Variants in IL26 observed in about 807,000 individuals in gnomAD.
The protein encoded by IL26 is interleukin 26, also known as interleukin-26.
Under a neutral mutation model 21.7 loss-of-function variants are expected in IL26, and 23 were observed. That is an observed-to-expected ratio of 1.06 (90% confidence interval 0.76 to 1.50). The LOEUF is 1.50. Ranked by LOEUF, IL26 falls within the 40% of genes most tolerant of loss-of-function variation. The pLI, the probability that IL26 is intolerant of heterozygous loss-of-function variation, is 0.00. For missense variants in IL26, 204 were observed against 196.0 expected (o/e 1.04, Z -0.24); for synonymous variants, 63 against 67.8 (o/e 0.93, Z 0.34).
At position 68,225,457 on chromosome 12, in the gene IL26, T is replaced by C; in HGVS notation, c.215A>G (p.Lys72Arg). ...KNIRLLKKKT[K>R]KQFMKNCQFQ... ...TTTCTGACTTACCATAAACTGCTTT[T>C]TTGTTTTCTTTTTTAATAATCGTAT... is the stretch of plus-strand genomic sequence containing the variant. Residue 72 changes from lysine to arginine, a missense_variant, in exon 2 of 5, where the codon AAA becomes AGA. By Grantham distance (26) the Lys-to-Arg change is conservative (BLOSUM62 2). Coordinates refer to ENST00000229134, the MANE Select transcript of IL26 (RefSeq NM_018402.2). 6.3e-7 allele frequency: 1 copy of C among 1,583,104 alleles called. No individual in the cohort carries two copies. Among genetic ancestry groups the C allele is most frequent in the Non-Finnish European group, 8.7e-7 (1 of 1,153,138 alleles).
At chr12:68,219,987 A>T (rs2120467976) in intron 3 of IL26, among the ~76,000 whole-genome samples, 1 of 152,210 alleles carries the variant, frequency 6.6e-6, no homozygotes, top group East Asian at 1.9e-4. Flanking sequence ...AAAATCACTG[A>T]AAGACACAAA....
At chr12:68,218,636 CAGA>C (rs1299622548) in intron 3 of IL26, among the ~76,000 whole-genome samples, 1 of 151,820 alleles carries the variant, frequency 6.6e-6, no homozygotes, top group African/African-American at 2.4e-5. Context: ...GGAGAAGAGA[CAGA>C]AGGAGATACA....
chr12:68,206,125 C>T (rs116302015), intron 3 of IL26, among the ~76,000 whole-genome samples: 94 of 152,314 alleles, frequency 6.2e-4, no homozygotes, highest in African/African-American at 1.8e-3. Flanking sequence ...AAGTTATGTA[C>T]GACATCTGAA....
chr12:68,220,325 G>C (rs925512961), intron 3 of IL26, among the ~76,000 whole-genome samples: 2 of 152,108 alleles, frequency 1.3e-5, no homozygotes, highest in African/African-American at 4.8e-5. Flanking sequence ...TAAATCTAGT[G>C]ATGTATGAAA....
At chr12:68,214,948 G>A (rs796438908) in intron 3 of IL26, among the ~76,000 whole-genome samples, 1 of 147,056 alleles carries the variant, frequency 6.8e-6, no homozygotes, top group African/African-American at 2.5e-5. Context: ...TGTCTTCTGT[G>A]GTTATTTTCT....
At chr12:68,205,730 C>T (rs1376677618) in intron 3 of IL26, among the ~76,000 whole-genome samples, 1 of 152,072 alleles carries the variant, frequency 6.6e-6, no homozygotes, top group Non-Finnish European at 1.5e-5. Context: ...TTTAATTTCT[C>T]TAAAAATATT....
intron 3 of IL26, among the ~76,000 whole-genome samples, chr12:68,210,564 C>T (rs1365416481): frequency 6.6e-6 from 1 of 151,922 alleles, no homozygotes; most frequent in Non-Finnish European, 1.5e-5. Context: ...CTCTGCGAAA[C>T]CAAATTCATA....
intron 3 of IL26, 87 bp downstream of exon 3, chr12:68,225,062 A>T (rs1869198494): frequency 2.2e-6 from 3 of 1,370,644 alleles, no homozygotes; most frequent in African/African-American, 2.9e-5. Context: ...CGTTTTACTC[A>T]CCCTTTGGTG....
In IL26 at chr12:68,217,775, T is replaced by A. The variant is rs1003274356; in HGVS notation, c.363+7374A>T. Reference sequence around the variant, plus strand: ...ATCAAGCTAAATCTGATCAAGTCTCTCTGTATAATTGTTAATGTATGGTAA... The same window carrying A: ...ATCAAGCTAAATCTGATCAAGTCTCACTGTATAATTGTTAATGTATGGTAA... On this transcript the variant is annotated intron_variant, in intron 3 of 4. Coordinates refer to ENST00000229134, the MANE Select transcript of IL26 (RefSeq NM_018402.2). 2.1e-4 allele frequency among the ~76,000 whole-genome samples: 32 copies of A among 152,140 alleles called. 1 individual carries two copies. The highest frequency in any genetic ancestry group is 3.4e-4 in the Non-Finnish European group (23 of 67,996).
intron 3 of IL26, among the ~76,000 whole-genome samples, chr12:68,221,334 A>G (rs1869038729): frequency 1.3e-5 from 2 of 152,192 alleles, no homozygotes; most frequent in Non-Finnish European, 1.5e-5. Flanking sequence ...AGGAAAAGGA[A>G]GGAAAGCACG....
chr12:68,225,319 T>C, intron 2 of IL26, 36 bp from the exon 3 acceptor site: 1 of 1,588,278 alleles, frequency 6.3e-7, no homozygotes, highest in East Asian at 2.2e-5. Flanking sequence ...ATATGGTAAA[T>C]TATGAATCGT....
At chr12:68,224,701 AG>A (rs1049888971) in intron 3 of IL26, among the ~76,000 whole-genome samples, 2 of 117,752 alleles carry the variant, frequency 1.7e-5, no homozygotes, top group Admixed American at 1.1e-4. Context: ...GAGAAAGGGG[AG>A]AGGGAGGGAG....
At chr12:68,221,583 G>T (rs1166562516) in intron 3 of IL26, among the ~76,000 whole-genome samples, 1 of 152,208 alleles carries the variant, frequency 6.6e-6, no homozygotes, top group African/African-American at 2.4e-5. Flanking sequence ...ATAGTGGGCT[G>T]GTGATATGAA....
At chr12:68,221,459 T>C (rs1240349241) in intron 3 of IL26, among the ~76,000 whole-genome samples, 3 of 152,174 alleles carry the variant, frequency 2.0e-5, no homozygotes, top group African/African-American at 7.2e-5. Flanking sequence ...ATGTTGCCTA[T>C]GAACAGGAAT....
At chr12:68,218,212 C>A (rs1868944244) in intron 3 of IL26, among the ~76,000 whole-genome samples, 1 of 141,288 alleles carries the variant, frequency 7.1e-6, no homozygotes, top group South Asian at 2.3e-4. Flanking sequence ...TGCAAAGATG[C>A]TGTAAAATAT....
At chr12:68,223,887 T>G (rs1367744565) in intron 3 of IL26, among the ~76,000 whole-genome samples, 2 of 150,644 alleles carry the variant, frequency 1.3e-5, no homozygotes, top group African/African-American at 4.9e-5. Flanking sequence ...TTTGGTGGTT[T>G]TTTTTTTTTT....
chr12:68,223,143 C>G (rs878945449), intron 3 of IL26, among the ~76,000 whole-genome samples: 1 of 152,286 alleles, frequency 6.6e-6, no homozygotes, highest in Non-Finnish European at 1.5e-5. Flanking sequence ...CCAATCCTGC[C>G]GCTTTATGTT....
Position 68,225,651 on chromosome 12 carries a change from C to G in IL26, c.106G>C (p.Gly36Arg). Residue 36 changes from glycine (G) to arginine (R), a missense_variant, in exon 1 of 5, where the codon GGA becomes CGA. Physicochemically the swap from Gly to Arg is moderately radical, Grantham distance 125. Transcript: ENST00000229134. ...GCGTCAACAGCTTGGGACAATGTTCCCCTTGGGTAACAACTTTTGGTGAAG... is the reference window on the plus strand; with the variant it reads ...GCGTCAACAGCTTGGGACAATGTTCGCCTTGGGTAACAACTTTTGGTGAAG... Reference protein sequence around the residue: ...SSFTKSCYPRGTLSQAVDALY... With the variant: ...SSFTKSCYPRRTLSQAVDALY... The G allele has an allele frequency of 6.2e-7, 1 of 1,614,020 alleles. No individual in the cohort carries two copies. The highest frequency in any genetic ancestry group is 1.7e-5 in the Admixed American group (1 of 60,010).
Position 68,201,894 on chromosome 12 carries a change from A to G in IL26, c.467T>C (p.Leu156Pro). 1 of 1,606,318 alleles carries G rather than the reference A, an allele frequency of 6.2e-7. No homozygotes were observed. Among genetic ancestry groups the G allele is most frequent in the Non-Finnish European group, 8.5e-7 (1 of 1,177,734 alleles). The part of the protein sequence containing the change: ...NKGIYKAISE[L>P]DILLSWIKKL... ...TTTAATCCAGGAAAGAAGAATATCC[A>G]GTTCACTGATGGCTTTGTAGATTCC... Residue 156 changes from leucine to proline, a missense_variant, in exon 5 of 5, where the codon CTG becomes CCG. Transcript: ENST00000229134.
Sources: allele counts gnomAD v4.1 joint callset (sites outside exome capture counted in the v4.1 genomes callset), GRCh38; gene constraint gnomAD v4.1.1; transcripts MANE v1.5; gene names NCBI Gene and HGNC (gene_info 2026-07-23, HGNC 2026-07-21).